The following NKAIN3 variants were observed in gnomAD, a reference collection of about 807,000 sequenced individuals.
The protein encoded by NKAIN3 is sodium/potassium transporting ATPase interacting 3, also known as sodium/potassium-transporting ATPase subunit beta-1-interacting protein 3.
NKAIN3 carries 25 observed loss-of-function variants against 30.2 expected under a neutral mutation model. The ratio of observed to expected loss-of-function variants is 0.83; its 90% CI spans 0.60 to 1.16. The LOEUF (loss-of-function observed/expected upper bound fraction) is 1.16, where lower values mean the gene tolerates loss of function less well. Ranked by LOEUF, NKAIN3 falls within the 50% of genes most tolerant of loss-of-function variation. The probability of loss-of-function intolerance (pLI) is 0.00; values close to 1 mark genes in which losing one functional copy is unlikely to be tolerated. For synonymous variants in NKAIN3, 91 were observed against 89.6 expected (o/e 1.02, Z -0.09); for missense variants, 225 against 254.1 (o/e 0.89, Z 0.78).
intron 3 of NKAIN3, among the ~76,000 whole-genome samples, chr8:62,618,308 A>C (rs1046432818): frequency 6.6e-6 from 1 of 152,118 alleles, no homozygotes; most frequent in Non-Finnish European, 1.5e-5. Context: ...ACCCACATCC[A>C]TGGATGTTTT....
intron 1 of NKAIN3, among the ~76,000 whole-genome samples, chr8:62,528,394 A>G (rs577627786): frequency 1.3e-5 from 2 of 149,446 alleles, no homozygotes; most frequent in South Asian, 2.1e-4. Context: ...AAATGTTTCT[A>G]TAAGGACTTA....
At chr8:62,388,753 G>A (rs1018568099) in intron 1 of NKAIN3, among the ~76,000 whole-genome samples, 12 of 152,142 alleles carry the variant, frequency 7.9e-5, no homozygotes, top group Admixed American at 2.0e-4. Context: ...GATTTCAGCC[G>A]GCTCTGGTTG....
chr8:62,596,092 G>A (rs1266284934), intron 3 of NKAIN3, among the ~76,000 whole-genome samples: 2 of 152,016 alleles, frequency 1.3e-5, no homozygotes, highest in Admixed American at 1.3e-4. Flanking sequence ...CATCTGATGG[G>A]TACTATCAAT....
intron 1 of NKAIN3, among the ~76,000 whole-genome samples, chr8:62,508,798 T>C (rs560940109): frequency 6.6e-6 from 1 of 152,308 alleles, no homozygotes; most frequent in East Asian, 1.9e-4. Context: ...TACAATTTAT[T>C]GAAGTGTAAC....
chr8:62,856,564 C>T (rs1327697559), intron 4 of NKAIN3: 3 of 783,606 alleles, frequency 3.8e-6, no homozygotes, highest in East Asian at 4.9e-5. Flanking sequence ...ACTGTCATTG[C>T]CATGGGGTTG....
chr8:62,997,491 C>A (rs574264491), intron 5 of NKAIN3, among the ~76,000 whole-genome samples: 1 of 151,932 alleles, frequency 6.6e-6, no homozygotes, highest in Non-Finnish European at 1.5e-5. Context: ...TAAAGAAAAA[C>A]AAATTAAGAG....
chr8:62,391,428 G>C (rs1405416239), intron 1 of NKAIN3, among the ~76,000 whole-genome samples: 1 of 151,924 alleles, frequency 6.6e-6, no homozygotes, highest in Non-Finnish European at 1.5e-5. Flanking sequence ...AAAGTCATAA[G>C]ACAACATTAC....
chr8:62,350,905 G>GTCT (rs1816159745), intron 1 of NKAIN3, among the ~76,000 whole-genome samples: 1 of 151,628 alleles, frequency 6.6e-6, no homozygotes, highest in Non-Finnish European at 1.5e-5. Flanking sequence ...GGACAGGCTG[G>GTCT]TCTCGAACTC....
chr8:62,524,244 T>A (rs1393498892), intron 1 of NKAIN3, among the ~76,000 whole-genome samples: 6 of 145,548 alleles, frequency 4.1e-5, no homozygotes, highest in African/African-American at 1.3e-4. Flanking sequence ...ATATATATAT[T>A]AGCAAATATA....
At chr8:62,478,744 C>A (rs1051962023) in intron 1 of NKAIN3, among the ~76,000 whole-genome samples, 2 of 152,084 alleles carry the variant, frequency 1.3e-5, no homozygotes, top group African/African-American at 2.4e-5. Flanking sequence ...ACCAAATAAA[C>A]CAGATGATCA....
intron 1 of NKAIN3, among the ~76,000 whole-genome samples, chr8:62,426,123 T>C (rs1804799548): frequency 6.6e-6 from 1 of 151,968 alleles, no homozygotes; most frequent in Non-Finnish European, 1.5e-5. Context: ...GTCAAGTCAA[T>C]AGCGGTTCAA....
intron 4 of NKAIN3, among the ~76,000 whole-genome samples, chr8:62,843,990 AACTTTAT>A (rs1205299121): frequency 6.6e-6 from 1 of 152,114 alleles, no homozygotes; most frequent in Non-Finnish European, 1.5e-5. Context: ...AGGAGTCCAA[AACTTTAT>A]ACTAAGAATC....
chr8:62,518,205 C>T (rs1350987887), intron 1 of NKAIN3, among the ~76,000 whole-genome samples: 1 of 152,022 alleles, frequency 6.6e-6, no homozygotes, highest in African/African-American at 2.4e-5. Flanking sequence ...ACTAAAAATA[C>T]AAAAATTAGC....
chr8:62,882,646 T>C (rs1380325749), intron 4 of NKAIN3, among the ~76,000 whole-genome samples: 7 of 152,142 alleles, frequency 4.6e-5, no homozygotes, highest in African/African-American at 1.7e-4. Flanking sequence ...GATATTGCCA[T>C]ACCCAAGATC....
intron 1 of NKAIN3, among the ~76,000 whole-genome samples, chr8:62,480,573 C>G (rs2129600753): frequency 6.7e-6 from 1 of 149,694 alleles, no homozygotes; most frequent in East Asian, 2.0e-4. Context: ...AAAATGATTT[C>G]CAAGAGTCCT....
At position 62,351,865 on chromosome 8, in the gene NKAIN3, A is replaced by G. The variant is rs2129591808; in HGVS notation, c.54+102738A>G. Among the ~76,000 whole-genome samples the G allele has an allele frequency of 1.3e-5, 2 of 152,312 alleles. 1 individual carries two copies. Among genetic ancestry groups the G allele is most frequent in the South Asian group, 4.1e-4 (2 of 4,826 alleles). ...GGTAGCATCACCAAAAAGTAATGAC[A>G]GATTGATTTTGAGATGCTATGCAGG... On this transcript the variant is annotated intron_variant, in intron 1 of 6. Coordinates refer to ENST00000623646, the MANE Select transcript of NKAIN3 (RefSeq NM_001304533.3).
At chr8:62,945,049 C>A (rs1187519194) in intron 5 of NKAIN3, among the ~76,000 whole-genome samples, 1 of 152,142 alleles carries the variant, frequency 6.6e-6, no homozygotes, top group Non-Finnish European at 1.5e-5. Context: ...TTGTACTAGA[C>A]ACTGTTCCAG....
intron 1 of NKAIN3, among the ~76,000 whole-genome samples, chr8:62,457,904 G>A (rs568503956): frequency 6.6e-6 from 1 of 152,212 alleles, no homozygotes; most frequent in Non-Finnish European, 1.5e-5. Context: ...GGATAAAACA[G>A]ACATGTGGCC....
At chr8:62,866,433 G>A (rs1282672092) in intron 4 of NKAIN3, among the ~76,000 whole-genome samples, 1 of 152,120 alleles carries the variant, frequency 6.6e-6, no homozygotes, top group African/African-American at 2.4e-5. Context: ...ATGAAATGAA[G>A]TTGAGAAAAT....
Sources: allele counts gnomAD v4.1 joint callset (sites outside exome capture counted in the v4.1 genomes callset), GRCh38; gene constraint gnomAD v4.1.1; transcripts MANE v1.5; gene names NCBI Gene and HGNC (gene_info 2026-07-23, HGNC 2026-07-21).